Variants in DCLK1 observed in about 807,000 individuals in gnomAD.
DCLK1 encodes serine/threonine-protein kinase DCLK1.
In DCLK1, 16 loss-of-function variants were observed where a neutral mutation model predicts 86.2. The ratio of observed to expected loss-of-function variants is 0.19; its 90% CI spans 0.13 to 0.28. The LOEUF is 0.28. DCLK1 is among the 10% of genes least tolerant of loss of function. The pLI is 1.00. For missense variants in DCLK1, 590 were observed against 940.2 expected, an observed-to-expected ratio of 0.63 and a Z score of 4.87; for synonymous variants, 369 against 370.5, an observed-to-expected ratio of 1.00 and a Z score of 0.05.
chr13:35,845,843 T>C (rs1001315458), intron 6 of DCLK1: 1 of 866,526 alleles, frequency 1.2e-6, no homozygotes, highest in African/African-American at 1.8e-5. Context: ...CATGTGGTCA[T>C]TTCAATTTCA....
At chr13:36,019,262 C>T (rs1192994580) in intron 3 of DCLK1, among the ~76,000 whole-genome samples, 2 of 152,144 alleles carry the variant, frequency 1.3e-5, no homozygotes, top group East Asian at 3.9e-4. Flanking sequence ...AACAAACTAT[C>T]CCGTATTCCC....
At chr13:35,955,314 T>C (rs564331567) in intron 3 of DCLK1, among the ~76,000 whole-genome samples, 30 of 152,252 alleles carry the variant, frequency 2.0e-4, no homozygotes, top group Non-Finnish European at 3.7e-4. Context: ...CAGGCATTTG[T>C]GTCTCACAGC....
At chr13:36,027,324 G>T (rs1882084929) in intron 3 of DCLK1, among the ~76,000 whole-genome samples, 1 of 152,232 alleles carries the variant, frequency 6.6e-6, no homozygotes, top group Non-Finnish European at 1.5e-5. Context: ...AGAATCTAAT[G>T]CTGCCGCTGA....
chr13:36,111,322 C>T (rs1885611532), intron 3 of DCLK1, among the ~76,000 whole-genome samples: 1 of 152,098 alleles, frequency 6.6e-6, no homozygotes, highest in Admixed American at 6.6e-5. Context: ...CATTTTAACA[C>T]TGAAAAATAC....
At chr13:36,089,929 C>T (rs915968626) in intron 3 of DCLK1, among the ~76,000 whole-genome samples, 3 of 152,180 alleles carry the variant, frequency 2.0e-5, no homozygotes, top group African/African-American at 7.2e-5. Flanking sequence ...AGAGGATTAA[C>T]AAATCTTAGT....
intron 5 of DCLK1, among the ~76,000 whole-genome samples, chr13:35,864,722 G>C (rs986661703): frequency 2.1e-5 from 3 of 145,684 alleles, no homozygotes; most frequent in African/African-American, 7.7e-5. Flanking sequence ...GTGTGATCAT[G>C]GCTGACTTTA....
intron 3 of DCLK1, among the ~76,000 whole-genome samples, chr13:35,982,760 C>T (rs550394241): frequency 4.4e-4 from 66 of 151,528 alleles, no homozygotes; most frequent in African/African-American, 1.6e-3. Flanking sequence ...GTGTGAATTG[C>T]TTTTTTTTTG....
At chr13:35,907,347 G>A (rs1199492931) in intron 4 of DCLK1, among the ~76,000 whole-genome samples, 1 of 151,964 alleles carries the variant, frequency 6.6e-6, no homozygotes, top group Admixed American at 6.6e-5. Flanking sequence ...TTTTTTTGTA[G>A]AGACAGGTTC....
At chr13:35,847,979 T>C (rs945428046) in intron 6 of DCLK1, 2 of 985,284 alleles carry the variant, frequency 2.0e-6, no homozygotes, top group South Asian at 4.7e-5. Flanking sequence ...CTTCATACTT[T>C]ATATATTTTT....
At chr13:35,842,253 AAAG>A (rs1566562083) in intron 6 of DCLK1, among the ~76,000 whole-genome samples, 6 of 151,040 alleles carry the variant, frequency 4.0e-5, no homozygotes, top group Admixed American at 2.0e-4. Flanking sequence ...AAAAAAAAAA[AAAG>A]AAGTTCTTCT....
At chr13:36,053,672 T>A (rs999159279) in intron 3 of DCLK1, among the ~76,000 whole-genome samples, 2 of 151,930 alleles carry the variant, frequency 1.3e-5, no homozygotes. Context: ...GTGACATATA[T>A]ATGTCATAGG....
chr13:36,081,774 TCAA>T (rs1884429627), intron 3 of DCLK1, among the ~76,000 whole-genome samples: 2 of 152,220 alleles, frequency 1.3e-5, no homozygotes, highest in Non-Finnish European at 2.9e-5. Flanking sequence ...TAACATTTAT[TCAA>T]CTTAAGTAGA....
chr13:35,835,185 G>A (rs1206509368), intron 8 of DCLK1, among the ~76,000 whole-genome samples: 1 of 152,120 alleles, frequency 6.6e-6, no homozygotes, highest in Non-Finnish European at 1.5e-5. Context: ...ATTAAGAATG[G>A]GCAGGGTGTC....
At chr13:35,912,149 A>G (rs959125002) in intron 4 of DCLK1, among the ~76,000 whole-genome samples, 6 of 151,984 alleles carry the variant, frequency 3.9e-5, no homozygotes, top group Admixed American at 3.9e-4. Context: ...CATCCTCCTC[A>G]TGGTCCTCAG....
At chr13:35,948,519 T>TA (rs1484976334) in intron 3 of DCLK1, among the ~76,000 whole-genome samples, 1 of 152,192 alleles carries the variant, frequency 6.6e-6, no homozygotes, top group Non-Finnish European at 1.5e-5. Context: ...TTCTGCTTTT[T>TA]TGTTAGTCCC....
intron 5 of DCLK1, among the ~76,000 whole-genome samples, chr13:35,868,312 C>A (rs1872006710): frequency 6.6e-6 from 1 of 152,008 alleles, no homozygotes; most frequent in African/African-American, 2.4e-5. Flanking sequence ...TGAGCCACCG[C>A]ACCTGGCCCA....
At chr13:36,099,128 T>G (rs1376928012) in intron 3 of DCLK1, among the ~76,000 whole-genome samples, 1 of 151,970 alleles carries the variant, frequency 6.6e-6, no homozygotes, top group Non-Finnish European at 1.5e-5. Flanking sequence ...CCACCACACC[T>G]GGCTCATTTT....
At chr13:36,042,441 A>C (rs1882731506) in intron 3 of DCLK1, among the ~76,000 whole-genome samples, 2 of 152,200 alleles carry the variant, frequency 1.3e-5, no homozygotes, top group Non-Finnish European at 2.9e-5. Flanking sequence ...CACCAATGAA[A>C]CATTCTCCAC....
At chr13:35,840,847 G>A (rs1010043997) in intron 6 of DCLK1, among the ~76,000 whole-genome samples, 2 of 152,158 alleles carry the variant, frequency 1.3e-5, no homozygotes, top group Non-Finnish European at 2.9e-5. Context: ...ATCTTTTTGT[G>A]AAAACCTTGT....
Sources: allele counts gnomAD v4.1 joint callset (sites outside exome capture counted in the v4.1 genomes callset), GRCh38; gene constraint gnomAD v4.1.1; transcripts MANE v1.5; gene names NCBI Gene and HGNC (gene_info 2026-07-23, HGNC 2026-07-21).